Variants in NEDD4L observed in about 807,000 individuals in gnomAD.
NEDD4L encodes the protein E3 ubiquitin-protein ligase NEDD4-like.
A neutral mutation model predicts 148.9 loss-of-function variants in NEDD4L; 54 were observed. The observed-to-expected ratio is 0.36, with a 90% CI of 0.29 to 0.45. The LOEUF (loss-of-function observed/expected upper bound fraction) is 0.45. Ranked by LOEUF, NEDD4L falls within the 20% of genes least tolerant of loss-of-function variation. The probability of loss-of-function intolerance (pLI) is 1.00; values close to 1 mark genes in which losing one functional copy is unlikely to be tolerated. For synonymous variants in NEDD4L, 433 were observed against 440.7 expected (o/e 0.98, Z 0.22); for missense variants, 856 against 1,233.8 (o/e 0.69, Z 4.59).
chr18:58,179,367 C>T (rs185384061), intron 2 of NEDD4L, among the ~76,000 whole-genome samples: 16 of 152,284 alleles, frequency 1.1e-4, no homozygotes, highest in East Asian at 9.7e-4. Flanking sequence ...CATCTGTCTC[C>T]GTGATGGCCT....
intron 4 of NEDD4L, among the ~76,000 whole-genome samples, chr18:58,249,581 A>G (rs1277313282): frequency 6.6e-6 from 1 of 152,212 alleles, no homozygotes; most frequent in Non-Finnish European, 1.5e-5. Flanking sequence ...GAACTATTAG[A>G]CTGCTTAGCT....
chr18:58,307,874 T>G (rs1400239857), intron 5 of NEDD4L, among the ~76,000 whole-genome samples: 2 of 152,242 alleles, frequency 1.3e-5, no homozygotes, highest in African/African-American at 4.8e-5. Context: ...TAAGATCTGT[T>G]CTTTGGTAGC....
At position 58,383,630 on chromosome 18, in the gene NEDD4L, C is replaced by A. The variant is rs145753414; in HGVS notation, c.2426+311C>A. On this transcript the variant is annotated intron_variant, in intron 25 of 30. Transcript: ENST00000400345. ...TATCAACTAAGATTTAGAATTGCAA[C>A]GGAGAACCACGGTGTCAGTGACCAG... is the stretch of plus-strand genomic sequence containing the variant. 3.9e-5 allele frequency among the ~76,000 whole-genome samples: 6 copies of A among 152,222 alleles called. No homozygotes were observed. The South Asian group carries it at 8.3e-4, about 21-fold the overall frequency.
rs780305583 is a variant in NEDD4L, at chr18:58,396,234, G to A, written c.2893G>A (p.Val965Met). ...TTTACGAGAGAAACTTCTCATGGCC[G>A]TGGAAAATGCTCAAGGATTTGAAGG... ...EDLREKLLMA[V>M]ENAQGFEGVD Residue 965 changes from valine (V) to methionine (M), a missense_variant, in exon 31 of 31, where the codon GTG becomes ATG. Physicochemically the swap from Val to Met is conservative, Grantham distance 21. Around this residue, in one of 4 missense-constraint regions of NEDD4L, gnomAD observed 286 missense variants for 531.8 expected, o/e 0.54. Coordinates refer to ENST00000400345, the MANE Select transcript of NEDD4L (RefSeq NM_001144967.3). The A allele has an allele frequency of 1.9e-6, 3 of 1,613,088 alleles. No homozygotes were observed. The highest frequency in any genetic ancestry group is 1.7e-6 in the Non-Finnish European group (2 of 1,179,372).
rs913928173 is a variant in NEDD4L at position 58,387,363 on chromosome 18, A to G, written c.2488-76A>G. On this transcript the variant is annotated intron_variant, in intron 26 of 30. Coordinates refer to ENST00000400345, the MANE Select transcript of NEDD4L (RefSeq NM_001144967.3). ...TTATATTTTTTTCTGGCTAACCAGA[A>G]AAGTTTGTTTTTCCTGTGAAATTTT... 1.0e-5 allele frequency: 15 copies of G among 1,450,688 alleles called. No homozygotes were observed. In the African/African-American group the frequency reaches 2.3e-4, roughly 22 times the overall value. 89.9% of individuals were successfully genotyped at this position (1,450,688 alleles called of 1,614,324 possible). A position where few individuals can be genotyped will look rare whatever the true frequency, so the allele number is the denominator to read the frequency against.
rs540504791 is a variant in NEDD4L, at chr18:58,210,743, T to C, written c.123-34684T>C. Among the ~76,000 whole-genome samples the C allele has an allele frequency of 2.0e-4, 31 of 152,340 alleles. 1 individual carries two copies. The South Asian group carries it at 6.2e-3, about 31-fold the overall frequency. The stretch of plus-strand genomic sequence containing the variant: ...ACATGGAAAGGTTCCCAGTTCATTT[T>C]ATAAAACCATCAAAATTTTAATTTA... On this transcript the variant is annotated intron_variant, in intron 2 of 30. Transcript: ENST00000400345.
At chr18:58,349,497 T>C (rs2145555053) in intron 16 of NEDD4L, 40 bp from the exon 17 acceptor site, 1 of 1,545,218 alleles carries the variant, frequency 6.5e-7, no homozygotes, top group East Asian at 2.2e-5. Flanking sequence ...ACACAGATAC[T>C]TCCACTTAGC....
chr18:58,215,914 T>G (rs1310228048), intron 2 of NEDD4L, among the ~76,000 whole-genome samples: 1 of 152,208 alleles, frequency 6.6e-6, no homozygotes. Context: ...ATCATATCTG[T>G]TAAGTTTGTT....
chr18:58,084,381 C>G (rs927977373), intron 1 of NEDD4L, among the ~76,000 whole-genome samples: 3 of 152,086 alleles, frequency 2.0e-5, no homozygotes, highest in African/African-American at 7.2e-5. Context: ...ATTGTATACT[C>G]TAAATGGGTA....
At chr18:58,151,575 G>A (rs1016386361) in intron 1 of NEDD4L, among the ~76,000 whole-genome samples, 2 of 150,162 alleles carry the variant, frequency 1.3e-5, no homozygotes, top group African/African-American at 4.9e-5. Context: ...TACCACCATA[G>A]CATGGTAATT....
At chr18:58,085,162 A>G (rs1376703138) in intron 1 of NEDD4L, among the ~76,000 whole-genome samples, 1 of 152,234 alleles carries the variant, frequency 6.6e-6, no homozygotes, top group Non-Finnish European at 1.5e-5. Context: ...GTGAAGGTTA[A>G]GGCTCCAATG....
intron 10 of NEDD4L, 105 bp from the exon 11 acceptor site, chr18:58,330,633 A>G (rs2144690645): frequency 1.2e-6 from 1 of 848,752 alleles, no homozygotes; most frequent in South Asian, 2.8e-5. Context: ...GTAGGTGTTA[A>G]TTATAGTTAT....
At chr18:58,346,229 T>C (rs11660397) in intron 16 of NEDD4L, among the ~76,000 whole-genome samples, 45,650 of 152,014 alleles carry the variant, frequency 0.3, 7,051 homozygotes, top group Middle Eastern at 0.4. Context: ...GTATCCCTAG[T>C]TTAAAGATTC....
chr18:58,348,120 C>T (rs889870093), intron 16 of NEDD4L, among the ~76,000 whole-genome samples: 2 of 151,926 alleles, frequency 1.3e-5, no homozygotes, highest in Non-Finnish European at 2.9e-5. Flanking sequence ...CCACCTCAGC[C>T]TTTCAGGTAG....
intron 1 of NEDD4L, among the ~76,000 whole-genome samples, chr18:58,087,629 C>CT (rs1362780427): frequency 6.6e-6 from 1 of 152,056 alleles, no homozygotes; most frequent in African/African-American, 2.4e-5. Flanking sequence ...AATCCCAGCA[C>CT]TTTGAGAGGC....
chr18:58,369,887 C>A (rs1298276579), intron 22 of NEDD4L, among the ~76,000 whole-genome samples: 1 of 152,234 alleles, frequency 6.6e-6, no homozygotes, highest in Non-Finnish European at 1.5e-5. Flanking sequence ...TGTGCTTTCT[C>A]CCCATCGCTG....
intron 2 of NEDD4L, chr18:58,195,816 C>A: frequency 1.1e-6 from 1 of 894,918 alleles, no homozygotes; most frequent in South Asian, 1.3e-5. Context: ...ACCGTGAATC[C>A]ATTAGCTTTA....
intron 5 of NEDD4L, among the ~76,000 whole-genome samples, chr18:58,295,299 C>T (rs542283552): frequency 6.6e-6 from 1 of 152,230 alleles, no homozygotes; most frequent in Non-Finnish European, 1.5e-5. Context: ...CTGGCAACCA[C>T]TCATCCTTTT....
intron 24 of NEDD4L, among the ~76,000 whole-genome samples, chr18:58,382,756 C>G (rs1187121926): frequency 1.3e-5 from 2 of 152,206 alleles, no homozygotes; most frequent in Non-Finnish European, 2.9e-5. Context: ...CCAGATAAAT[C>G]TGTCTCTTCA....
Sources: allele counts gnomAD v4.1 joint callset (sites outside exome capture counted in the v4.1 genomes callset), GRCh38; gene constraint gnomAD v4.1.1; regional missense constraint gnomAD v4.1.1; transcripts MANE v1.5; gene names NCBI Gene and HGNC (gene_info 2026-07-23, HGNC 2026-07-21).